The following TBCD variants were observed in gnomAD, a reference collection of about 807,000 sequenced individuals.
TBCD encodes the protein tubulin-specific chaperone D.
Under a neutral mutation model 169.3 loss-of-function variants are expected in TBCD, and 105 were observed. The ratio of observed to expected loss-of-function variants is 0.62; its 90% CI spans 0.53 to 0.73. The LOEUF is 0.73. Ranked by LOEUF, TBCD falls within the 30% of genes least tolerant of loss-of-function variation. TBCD has a pLI of 0.00. For missense variants in TBCD, 1,444 were observed against 1,600.1 expected, an observed-to-expected ratio of 0.90 and a Z score of 1.66; for synonymous variants, 700 against 643.9, an observed-to-expected ratio of 1.09 and a Z score of -1.32.
chr17:82,942,402 T>C (rs2063397251), intron 38 of TBCD, 47 bp from the exon 39 acceptor site: 1 of 1,613,172 alleles, frequency 6.2e-7, no homozygotes, highest in East Asian at 2.2e-5. Context: ...CTGGGAATGG[T>C]GTGTGTTGGA....
chr17:82,886,206 C>G (rs922170799), intron 15 of TBCD: 1 of 152,252 alleles, frequency 6.6e-6, no homozygotes, highest in African/African-American at 2.4e-5. Flanking sequence ...GTTTGTGACC[C>G]TCCCAGCAAC....
At chr17:82,892,314 C>T (rs760768076) in intron 16 of TBCD, among the ~76,000 whole-genome samples, 2 of 152,158 alleles carry the variant, frequency 1.3e-5, no homozygotes, top group Non-Finnish European at 2.9e-5. Flanking sequence ...CAGGTTGTGG[C>T]ACCTGCTGTC....
At position 82,833,748 on chromosome 17, in the gene TBCD, C is replaced by G. The variant is rs1241037757; in HGVS notation, c.1318+18814C>G. Among the ~76,000 whole-genome samples, 1 of 152,160 alleles carries G rather than the reference C, an allele frequency of 6.6e-6. No homozygotes were observed. The highest frequency in any genetic ancestry group is 1.5e-5 in the Non-Finnish European group (1 of 68,018). ...TGGTTGGGTCATGGGAGGAAGCTGT[C>G]CTGGCCCTTAACCTTTAGGGAGTGG... On this transcript the variant is annotated intron_variant, in intron 13 of 38. Transcript: ENST00000355528. This position sits in a 1 kb window ranked among gnomAD's most constrained non-coding sequence, Gnocchi z 4.7.
At position 82,917,863 on chromosome 17, in the gene TBCD, C is replaced by T. The variant is rs1026993640; in HGVS notation, c.2039-2693C>T. 3.3e-5 allele frequency among the ~76,000 whole-genome samples: 5 copies of T among 152,296 alleles called. No homozygotes were observed. The South Asian group carries it at 6.2e-4, about 19-fold the overall frequency. ...TCTTGTGGCGCCCCCTGGAGTCAGC[C>T]GTGAGCCGGGGAGAGTTGGCCCCCG... is the stretch of plus-strand genomic sequence containing the variant. On this transcript the variant is annotated intron_variant, in intron 23 of 38. Transcript: ENST00000355528.
At chr17:82,919,268 T>C (rs895073169) in intron 23 of TBCD, among the ~76,000 whole-genome samples, 3 of 152,104 alleles carry the variant, frequency 2.0e-5, no homozygotes, top group Admixed American at 2.0e-4. Flanking sequence ...TCTGGGGTTT[T>C]TTGTTTCTTT....
At chr17:82,822,507 C>T (rs1463277373) in intron 13 of TBCD, among the ~76,000 whole-genome samples, 2 of 152,130 alleles carry the variant, frequency 1.3e-5, no homozygotes, top group African/African-American at 4.8e-5. Context: ...GCTGGGACAG[C>T]GGAAAGAGCA....
At chr17:82,893,097 G>T (rs2059254271) in intron 16 of TBCD, 1 of 165,654 alleles carries the variant, frequency 6.0e-6, no homozygotes. Context: ...AGACCGTGCA[G>T]GCGGCTGCAT....
At chr17:82,792,598 T>A (rs541302533) in intron 7 of TBCD, among the ~76,000 whole-genome samples, 42 of 152,304 alleles carry the variant, frequency 2.8e-4, no homozygotes, top group African/African-American at 9.9e-4. Context: ...TTGCCTTGGT[T>A]TATGGATGAG....
At chr17:82,892,032 T>A (rs965784045) in intron 16 of TBCD, among the ~76,000 whole-genome samples, 1 of 152,230 alleles carries the variant, frequency 6.6e-6, no homozygotes, top group East Asian at 1.9e-4. Context: ...GGCCCCCCAC[T>A]TCCCCCCTGC....
At chr17:82,815,052 G>A (rs1263204978) in intron 13 of TBCD, 118 bp downstream of exon 13, 9 of 1,483,156 alleles carry the variant, frequency 6.1e-6, no homozygotes, top group East Asian at 2.4e-5. Context: ...GGTCAGCTGC[G>A]TCACCAGGCT....
intron 13 of TBCD, among the ~76,000 whole-genome samples, chr17:82,861,303 G>A (rs1330857560): frequency 1.3e-5 from 2 of 151,994 alleles, no homozygotes; most frequent in Non-Finnish European, 2.9e-5. Context: ...TCTGGGCCGT[G>A]TGCCTGGCGA....
rs1321099381 is a variant in TBCD at position 82,899,183 on chromosome 17, TCGTGTCCTCAGCG to T, written c.1650-1460_1650-1448del. Among the ~76,000 whole-genome samples, 59 of 123,880 alleles carry T rather than the reference TCGTGTCCTCAGCG, an allele frequency of 4.8e-4. No homozygotes were observed. In the East Asian group the frequency reaches 8.5e-3, roughly 18 times the overall value. 81.3% of individuals were successfully genotyped at this position (123,880 alleles called of 152,430 possible). On this transcript the variant is annotated intron_variant, in intron 17 of 38. Coordinates refer to ENST00000355528, the MANE Select transcript of TBCD (RefSeq NM_005993.5). ...TGTCCGCAGTGCGCGCGTCCTCGGCTCGTGTCCTCAGCGCGTGTCCGCAGTGCGTCCTCAGCAT... is the reference window on the plus strand; with the variant it reads ...TGTCCGCAGTGCGCGCGTCCTCGGCTCGTGTCCGCAGTGCGTCCTCAGCAT...
intron 16 of TBCD, chr17:82,893,340 G>A (rs941966725): frequency 1.2e-5 from 7 of 560,950 alleles, no homozygotes; most frequent in African/African-American, 3.8e-5. Context: ...ATGATTTAGC[G>A]TGGTGTTGCC....
chr17:82,909,474 T>C (rs1490760273), intron 22 of TBCD, among the ~76,000 whole-genome samples, 167 bp downstream of exon 22: 2 of 146,402 alleles, frequency 1.4e-5, no homozygotes, highest in Non-Finnish European at 3.1e-5. Context: ...GGGTCTGACC[T>C]GGTTGTGTGA....
chr17:82,849,459 C>G (rs993532271), intron 13 of TBCD, among the ~76,000 whole-genome samples: 5 of 152,252 alleles, frequency 3.3e-5, no homozygotes, highest in Admixed American at 1.3e-4. Context: ...GGCCCCTTTT[C>G]ATATCTTCCT....
Position 82,926,571 on chromosome 17 carries a change from C to T in TBCD, c.2471+80C>T, listed in dbSNP as rs952721771. On this transcript the variant is annotated intron_variant, in intron 28 of 38. Transcript: ENST00000355528. ...GAACGCTAAGGGGGATGTTTTTGCTCAGAGGCAGGACTTATGATTCTTCAC... is the reference window on the plus strand; with the variant it reads ...GAACGCTAAGGGGGATGTTTTTGCTTAGAGGCAGGACTTATGATTCTTCAC... 2.9e-5 allele frequency: 35 copies of T among 1,227,548 alleles called. No homozygotes were observed. The African/African-American group carries it at 3.4e-4, about 12-fold the overall frequency. The allele number at this position is 1,227,548 out of a possible 1,614,324, so 76.0% of individuals were successfully genotyped here.
chr17:82,932,028 G>C (rs1321378962), intron 33 of TBCD: 1 of 156,736 alleles, frequency 6.4e-6, no homozygotes, highest in Admixed American at 6.1e-5. Flanking sequence ...TGTCACACAT[G>C]TGACTTGAGG....
chr17:82,833,270 G>C lies in TBCD; in HGVS notation c.1318+18336G>C, dbSNP rs574299893. Among the ~76,000 whole-genome samples the C allele has an allele frequency of 6.6e-6, 1 of 152,220 alleles. No homozygotes were observed. The highest frequency in any genetic ancestry group is 2.1e-4 in the South Asian group (1 of 4,828). ...GCTCTCCCAAGTGCTGTGCGCCCCT[G>C]CCGTCGGCCTGTAGAACCCAAGACC... On this transcript the variant is annotated intron_variant, in intron 13 of 38. Coordinates refer to ENST00000355528, the MANE Select transcript of TBCD (RefSeq NM_005993.5). The surrounding 1 kb of genome is among the most constrained non-coding windows in gnomAD (Gnocchi z 4.7).
intron 9 of TBCD, among the ~76,000 whole-genome samples, chr17:82,801,296 A>G (rs2050502749): frequency 6.6e-6 from 1 of 152,172 alleles, no homozygotes; most frequent in Non-Finnish European, 1.5e-5. Flanking sequence ...TGTGTTAGTA[A>G]CAAGTGTTTT....
Sources: allele counts gnomAD v4.1 joint callset (sites outside exome capture counted in the v4.1 genomes callset), GRCh38; gene constraint gnomAD v4.1.1; non-coding constraint Gnocchi (gnomAD v3.1); transcripts MANE v1.5; gene names NCBI Gene and HGNC (gene_info 2026-07-23, HGNC 2026-07-21).